The following BLCAP variants were observed in gnomAD, a reference collection of about 807,000 sequenced individuals.
BLCAP encodes apoptosis inducing factor BLCAP.
BLCAP carries 1 observed loss-of-function variant against 5.7 expected under a neutral mutation model. The ratio of observed to expected loss-of-function variants is 0.18; its 90% CI spans 0.06 to 0.83. BLCAP has a LOEUF of 0.83. Among genes scored for constraint, BLCAP ranks in the 40% least tolerant of loss-of-function variants. The probability of loss-of-function intolerance (pLI) is 0.71; values close to 1 mark genes in which losing one functional copy is unlikely to be tolerated. For missense variants in BLCAP, 66 were observed against 107.6 expected (o/e 0.61, Z 1.71); for synonymous variants, 48 against 49.4 (o/e 0.97, Z 0.11).
chr20:37,522,641 G>A (rs771951737), intron 1 of BLCAP: 13 of 1,596,936 alleles, frequency 8.1e-6, no homozygotes, highest in Non-Finnish European at 1.1e-5. Context: ...CTCCACTAAG[G>A]GTGGGTCCTG....
rs1341800385 is a variant in BLCAP at position 37,521,993 on chromosome 20, A to G, written c.-176-2643T>C. Among the ~76,000 whole-genome samples the G allele has an allele frequency of 6.6e-6, 1 of 151,778 alleles. No individual in the cohort carries two copies. The highest frequency in any genetic ancestry group is 2.4e-5 in the African/African-American group (1 of 41,400). On this transcript the variant is annotated intron_variant, in intron 1 of 1. Coordinates refer to ENST00000373537, the MANE Select transcript of BLCAP (RefSeq NM_006698.4). This position sits in a 1 kb window ranked among gnomAD's most constrained non-coding sequence, Gnocchi z 4.5. Reference sequence around the variant, plus strand: ...GCATTGCAGGAAAAATAAATCGGAGAAAAGCACTTGGCAGAAAAAAATGCA... The same window carrying G: ...GCATTGCAGGAAAAATAAATCGGAGGAAAGCACTTGGCAGAAAAAAATGCA...
intron 1 of BLCAP, chr20:37,527,008 T>C (rs1015432377): frequency 1.3e-5 from 2 of 152,204 alleles, no homozygotes; most frequent in Non-Finnish European, 2.9e-5. Flanking sequence ...GAAAGGCTGT[T>C]TCTTTCCGAG....
In BLCAP at chr20:37,521,523, C is replaced by G; in HGVS notation, c.-176-2173G>C. ...CCTATTCCGATTGCCGCGATCCTTGCCTGCCCAAGTGCCGCTGCCGGCACC... is the reference window on the plus strand; with the variant it reads ...CCTATTCCGATTGCCGCGATCCTTGGCTGCCCAAGTGCCGCTGCCGGCACC... On this transcript the variant is annotated intron_variant, in intron 1 of 1. Coordinates refer to ENST00000373537, the MANE Select transcript of BLCAP (RefSeq NM_006698.4). This position sits in a 1 kb window ranked among gnomAD's most constrained non-coding sequence, Gnocchi z 4.5. The G allele has an allele frequency of 9.6e-7, 1 of 1,042,890 alleles. No homozygotes were observed. The highest frequency in any genetic ancestry group is 1.5e-6 in the Non-Finnish European group (1 of 684,198). 64.6% of individuals were successfully genotyped at this position (1,042,890 alleles called of 1,614,324 possible). A position where few individuals can be genotyped will look rare whatever the true frequency, so the allele number is the denominator to read the frequency against.
Position 37,518,520 on chromosome 20 carries a change from A to G in BLCAP, c.*391T>C, listed in dbSNP as rs2071452713. On this transcript the variant is annotated 3_prime_UTR_variant, in exon 2 of 2. Coordinates refer to ENST00000373537, the MANE Select transcript of BLCAP (RefSeq NM_006698.4). ...CTGAGGAGTCAGTAACATTCTGGGA[A>G]GGAAGGAGACCCTGACAAGGAGGGG... 5 of 184,574 alleles carry G rather than the reference A, an allele frequency of 2.7e-5. No individual in the cohort carries two copies. The South Asian group carries it at 6.5e-4, about 24-fold the overall frequency. 11.4% of individuals were successfully genotyped at this position (184,574 alleles called of 1,614,324 possible).
Position 37,519,363 on chromosome 20 carries a change from G to T in BLCAP, c.-176-13C>A. The T allele has an allele frequency of 6.1e-6, 1 of 162,924 alleles. No individual in the cohort carries two copies. Among genetic ancestry groups the T allele is most frequent in the Non-Finnish European group, 1.1e-5 (1 of 93,888 alleles). The allele number at this position is 162,924 out of a possible 1,614,324, so 10.1% of individuals were successfully genotyped here. ...GGCAGCAGGGATCCTGAAGAGAAAA[G>T]TCAACACAACAGACAAACAGACAAA... is the stretch of plus-strand genomic sequence containing the variant. On this transcript the variant is annotated splice_polypyrimidine_tract_variant and intron_variant, in intron 1 of 1. Coordinates refer to ENST00000373537, the MANE Select transcript of BLCAP (RefSeq NM_006698.4).
intron 1 of BLCAP, chr20:37,520,350 C>T (rs937749713): frequency 6.6e-6 from 1 of 152,282 alleles, no homozygotes; most frequent in African/African-American, 2.4e-5. Context: ...AGCCACAACC[C>T]TCCGGTAGCG....
At chr20:37,522,718 C>T in intron 1 of BLCAP, 2 of 1,611,700 alleles carry the variant, frequency 1.2e-6, no homozygotes, top group South Asian at 1.1e-5. Flanking sequence ...GCGGACCGGG[C>T]GGCAGGTGTT....
At chr20:37,522,372 C>T (rs1292186817) in intron 1 of BLCAP, 1 of 1,613,726 alleles carries the variant, frequency 6.2e-7, no homozygotes, top group African/African-American at 1.3e-5. Flanking sequence ...TCCTGGAATG[C>T]TGCATTTACT....
intron 1 of BLCAP, among the ~76,000 whole-genome samples, chr20:37,519,917 T>G (rs1301543761): frequency 1.3e-5 from 2 of 152,274 alleles, no homozygotes; most frequent in African/African-American, 4.8e-5. Flanking sequence ...AGCTACAGCC[T>G]CGAAATATTT....
At chr20:37,525,420 C>A (rs1351226748) in intron 1 of BLCAP, among the ~76,000 whole-genome samples, 1 of 152,210 alleles carries the variant, frequency 6.6e-6, no homozygotes, top group Non-Finnish European at 1.5e-5. Flanking sequence ...CTGGTAGCCC[C>A]AGAGCTTTCC....
In BLCAP at chr20:37,521,276, C is replaced by T; in HGVS notation, c.-176-1926G>A. 7 of 1,565,894 alleles carry T rather than the reference C, an allele frequency of 4.5e-6. No homozygotes were observed. The highest frequency in any genetic ancestry group is 6.2e-6 in the Non-Finnish European group (7 of 1,136,460). On this transcript the variant is annotated intron_variant, in intron 1 of 1. Transcript: ENST00000373537. The surrounding 1 kb of genome is among the most constrained non-coding windows in gnomAD (Gnocchi z 4.5). ...GTGCGCCCAACAGCGGACTCCGAGA[C>T]CAGCGGATCTCGGCAAACCCTCTTT...
At chr20:37,519,404 CAAAAAAAAAAAAAAAAAAA>C (rs2071481630) in intron 1 of BLCAP, 54 bp from the exon 2 acceptor site, 1 of 42,962 alleles carries the variant, frequency 2.3e-5, no homozygotes. Flanking sequence ...GACAGACAGA[CAAAAAAAAAAAAAAAAAAA>C]GAAAAAAAAA....
In BLCAP at chr20:37,521,521, T is replaced by C; in HGVS notation, c.-176-2171A>G. On this transcript the variant is annotated intron_variant, in intron 1 of 1. Transcript: ENST00000373537. This position sits in a 1 kb window ranked among gnomAD's most constrained non-coding sequence, Gnocchi z 4.5. ...GTCCTATTCCGATTGCCGCGATCCT[T>C]GCCTGCCCAAGTGCCGCTGCCGGCA... is the stretch of plus-strand genomic sequence containing the variant. 5.6e-6 allele frequency: 6 copies of C among 1,066,374 alleles called. No homozygotes were observed. Among genetic ancestry groups the C allele is most frequent in the East Asian group, 2.5e-5 (1 of 40,664 alleles). The allele number at this position is 1,066,374 out of a possible 1,614,324, so 66.1% of individuals were successfully genotyped here.
chr20:37,521,234 C>T lies in BLCAP; in HGVS notation c.-176-1884G>A. On this transcript the variant is annotated intron_variant, in intron 1 of 1. Transcript: ENST00000373537. The surrounding 1 kb of genome is among the most constrained non-coding windows in gnomAD (Gnocchi z 4.5). ...TGGCGGGCGGGTACTTAAGGCGCGG[C>T]CACCGCGGCTGCGGCAGTGCGCCCA... 7.7e-7 allele frequency: 1 copy of T among 1,298,638 alleles called. No individual in the cohort carries two copies. The highest frequency in any genetic ancestry group is 1.1e-6 in the Non-Finnish European group (1 of 898,570). 80.4% of individuals were successfully genotyped at this position (1,298,638 alleles called of 1,614,324 possible). A position where few individuals can be genotyped will look rare whatever the true frequency, so the allele number is the denominator to read the frequency against.
Position 37,518,938 on chromosome 20 carries a change from C to T in BLCAP, c.237G>A (p.Ala79=). The T allele has an allele frequency of 1.9e-6, 3 of 1,614,188 alleles. No individual in the cohort carries two copies. Among genetic ancestry groups the T allele is most frequent in the African/African-American group, 1.3e-5 (1 of 75,040 alleles). The change falls in exon 2 of 2, where the codon GCG becomes GCA. Residue 79 remains alanine (A), a synonymous_variant. Transcript: ENST00000373537. ...AGGTGCCCACAACGCCGGGATCATGCGCCGATTCTGGAAGCGGGGAATCGG... is the reference window on the plus strand; with the variant it reads ...AGGTGCCCACAACGCCGGGATCATGTGCCGATTCTGGAAGCGGGGAATCGG... ...HCSDSPLPES[A]HDPGVVGT
In BLCAP at chr20:37,521,107, G is replaced by T. The variant is rs969163487; in HGVS notation, c.-176-1757C>A. ...AACTCAGGAGGCGGGGGTCGGTATG[G>T]AAAGAGCAGATGGATTATTTTTTTC... On this transcript the variant is annotated intron_variant, in intron 1 of 1. Transcript: ENST00000373537. The surrounding 1 kb of genome is among the most constrained non-coding windows in gnomAD (Gnocchi z 4.5). 9 of 592,184 alleles carry T rather than the reference G, an allele frequency of 1.5e-5. No homozygotes were observed. Among genetic ancestry groups the T allele is most frequent in the Middle Eastern group, 4.5e-4 (1 of 2,218 alleles). The allele number at this position is 592,184 out of a possible 1,614,324, so 36.7% of individuals were successfully genotyped here. A position where few individuals can be genotyped will look rare whatever the true frequency, so the allele number is the denominator to read the frequency against.
intron 1 of BLCAP, chr20:37,522,919 A>C: frequency 1.7e-6 from 1 of 604,274 alleles, no homozygotes; most frequent in South Asian, 2.1e-5. Context: ...CCCCCGGAGA[A>C]GCAGTACCGA....
At position 37,519,291 on chromosome 20, in the gene BLCAP, A is replaced by G; in HGVS notation, c.-117T>C. On this transcript the variant is annotated 5_prime_UTR_variant, in exon 2 of 2. Transcript: ENST00000373537. ...CCGCTTTCTTCAACCCTCACTCTCC[A>G]GGAGCTGAGCCGCTGTGCTCTCTGG... 7.8e-7 allele frequency: 1 copy of G among 1,274,226 alleles called. No homozygotes were observed. Among genetic ancestry groups the G allele is most frequent in the Non-Finnish European group, 1.1e-6 (1 of 939,304 alleles). 78.9% of individuals were successfully genotyped at this position (1,274,226 alleles called of 1,614,324 possible).
intron 1 of BLCAP, among the ~76,000 whole-genome samples, chr20:37,524,121 C>T (rs2071680684): frequency 6.6e-6 from 1 of 152,110 alleles, no homozygotes; most frequent in African/African-American, 2.4e-5. Flanking sequence ...ATCCAGGAGC[C>T]CCAAAGAAAT....
Sources: gnomAD v4.1 joint callset for allele counts (sites outside exome capture counted in the v4.1 genomes callset) on GRCh38, gnomAD v4.1.1 for gene constraint, Gnocchi (gnomAD v3.1) non-coding constraint, MANE v1.5 for transcripts, NCBI Gene and HGNC (gene_info 2026-07-23, HGNC 2026-07-21) for gene names.